The following TRPS1 variants were observed in gnomAD, a reference collection of about 807,000 sequenced individuals.
TRPS1 encodes transcriptional repressor GATA binding 1, also known as zinc finger transcription factor Trps1.
Under a neutral mutation model 101.2 loss-of-function variants are expected in TRPS1, and 6 were observed. That is an observed-to-expected ratio of 0.06 (90% CI 0.03 to 0.12). TRPS1 has a LOEUF of 0.12. Among genes scored for constraint, TRPS1 ranks in the 10% least tolerant of loss-of-function variants. The probability of loss-of-function intolerance (pLI) is 1.00; values close to 1 mark genes in which losing one functional copy is unlikely to be tolerated. For missense variants in TRPS1, 1,363 were observed against 1,567.0 expected (o/e 0.87, Z 2.20); for synonymous variants, 578 against 589.8 (o/e 0.98, Z 0.29).
At chr8:115,632,313 T>C (rs1036069910) in intron 1 of TRPS1, among the ~76,000 whole-genome samples, 4 of 152,122 alleles carry the variant, frequency 2.6e-5, no homozygotes, top group Non-Finnish European at 4.4e-5. Context: ...AAATATACTA[T>C]ACAAGTAGCA....
At chr8:115,583,182 T>C (rs1817489085) in intron 5 of TRPS1, among the ~76,000 whole-genome samples, 1 of 152,164 alleles carries the variant, frequency 6.6e-6, no homozygotes, top group Non-Finnish European at 1.5e-5. Context: ...AAATCCAGAA[T>C]TTCTTATTCA....
chr8:115,642,753 CA>C (rs1397308100), intron 1 of TRPS1, among the ~76,000 whole-genome samples: 1 of 150,506 alleles, frequency 6.6e-6, no homozygotes, highest in Non-Finnish European at 1.5e-5. Context: ...CCAGCAAAAA[CA>C]TTAGTAAGTT....
chr8:115,587,681 T>C (rs1817597620), intron 4 of TRPS1, 77 bp from the exon 5 acceptor site: 2 of 1,605,218 alleles, frequency 1.2e-6, no homozygotes, highest in East Asian at 2.2e-5. Context: ...TTTAAGCACC[T>C]GAATTTTCTA....
intron 5 of TRPS1, among the ~76,000 whole-genome samples, chr8:115,524,775 T>C: frequency 6.6e-6 from 1 of 152,122 alleles, no homozygotes; most frequent in African/African-American, 2.4e-5. Flanking sequence ...TGAAAAAAAA[T>C]CTAATGATGT....
At chr8:115,502,933 G>A (rs1815353058) in intron 5 of TRPS1, among the ~76,000 whole-genome samples, 1 of 152,096 alleles carries the variant, frequency 6.6e-6, no homozygotes, top group Admixed American at 6.6e-5. Context: ...AGCCCTACTT[G>A]ATGGTGTTTC....
Position 115,619,366 on chromosome 8 carries a change from G to A in TRPS1, c.732C>T (p.Tyr244=), listed in dbSNP as rs1038381748. The change falls in exon 3 of 7, where the codon TAC becomes TAT. Residue 244 remains tyrosine, a synonymous_variant. Coordinates refer to ENST00000395715, the MANE Select transcript of TRPS1 (RefSeq NM_014112.5). ...TCAGATCTGTGGGGTCGTTGCCGTA[G>A]TAACCATATCCACAGATATTGCATT... ...DFKCNICGYG[Y]YGNDPTDLIK... is the part of the protein sequence containing the mutation. 5.0e-6 allele frequency: 8 copies of A among 1,614,062 alleles called. No individual in the cohort carries two copies. The African/African-American group carries it at 1.1e-4, about 22-fold the overall frequency.
In TRPS1 at chr8:115,441,546, C is replaced by T. The variant is rs184313026; in HGVS notation, c.2701-23094G>A. Among the ~76,000 whole-genome samples, 30 of 152,212 alleles carry T rather than the reference C, an allele frequency of 2.0e-4. 1 individual carries two copies. Among genetic ancestry groups the T allele is most frequent in the African/African-American group, 6.7e-4 (28 of 41,542 alleles). ...TAAAATTAAATCTTTTTGTAGATTC[C>T]TTTTCCTAAAGTGTCTCCCTTCCGT... On this transcript the variant is annotated intron_variant, in intron 5 of 6. Coordinates refer to ENST00000395715, the MANE Select transcript of TRPS1 (RefSeq NM_014112.5).
intron 5 of TRPS1, among the ~76,000 whole-genome samples, chr8:115,426,890 A>G (rs1263062041): frequency 6.6e-6 from 1 of 152,196 alleles, no homozygotes; most frequent in Non-Finnish European, 1.5e-5. Flanking sequence ...GATGAAGTAC[A>G]AAACTGACAA....
intron 5 of TRPS1, among the ~76,000 whole-genome samples, chr8:115,440,174 C>T (rs1813555688): frequency 6.6e-6 from 1 of 152,054 alleles, no homozygotes; most frequent in African/African-American, 2.4e-5. Flanking sequence ...TCTATGTGGG[C>T]GATTTCTTAA....
At position 115,587,312 on chromosome 8, in the gene TRPS1, T is replaced by A; in HGVS notation, c.2389A>T (p.Ser797Cys). 6.2e-7 allele frequency: 1 copy of A among 1,614,222 alleles called. No individual in the cohort carries two copies. Among genetic ancestry groups the A allele is most frequent in the East Asian group, 2.2e-5 (1 of 44,876 alleles). ...ACATTGCGAAGGTCATCACTGGAAC[T>A]CTCGGTCCAAACTTTCTCTTTGAGC... Reference protein sequence around the residue: ...DGLKEKVWTESSSDDLRNVTW... With the variant: ...DGLKEKVWTECSSDDLRNVTW... The change falls in exon 5 of 7, where the codon AGT becomes TGT. Residue 797 changes from serine to cysteine, a missense_variant. This residue lies in a region of TRPS1 where 1,020 missense variants were observed against 1,073.0 expected (regional missense o/e 0.95). Coordinates refer to ENST00000395715, the MANE Select transcript of TRPS1 (RefSeq NM_014112.5).
intron 6 of TRPS1, among the ~76,000 whole-genome samples, chr8:115,417,860 A>G (rs2129766445): frequency 6.6e-6 from 1 of 152,274 alleles, no homozygotes; most frequent in Non-Finnish European, 1.5e-5. Context: ...GTGCCCCTCC[A>G]GCCCCTAAAG....
chr8:115,582,528 T>C (rs1297585205), intron 5 of TRPS1, among the ~76,000 whole-genome samples: 1 of 152,228 alleles, frequency 6.6e-6, no homozygotes, highest in Non-Finnish European at 1.5e-5. Context: ...TCTAGCACTC[T>C]GCATCTGAGG....
intron 5 of TRPS1, among the ~76,000 whole-genome samples, chr8:115,450,402 G>T (rs1004058818): frequency 5.9e-5 from 9 of 151,940 alleles, no homozygotes; most frequent in Non-Finnish European, 1.0e-4. Flanking sequence ...CATTCTTCAC[G>T]CTATTTAACT....
chr8:115,599,767 T>G (rs780719680), intron 4 of TRPS1, among the ~76,000 whole-genome samples: 2 of 152,230 alleles, frequency 1.3e-5, no homozygotes, highest in Non-Finnish European at 2.9e-5. Context: ...TGGTTCCAAG[T>G]CTTTGCTATT....
At chr8:115,646,335 G>T (rs11780385) in intron 1 of TRPS1, among the ~76,000 whole-genome samples, 1 of 151,990 alleles carries the variant, frequency 6.6e-6, no homozygotes, top group African/African-American at 2.4e-5. Context: ...TCACAAAAAG[G>T]AAAACATAGC....
At chr8:115,478,218 T>C (rs145727955) in intron 5 of TRPS1, among the ~76,000 whole-genome samples, 28 of 152,028 alleles carry the variant, frequency 1.8e-4, no homozygotes, top group African/African-American at 6.0e-4. Context: ...AAAGATAGAG[T>C]TTCATTTTCA....
chr8:115,623,662 T>C lies in TRPS1; in HGVS notation c.-25A>G, dbSNP rs1295690579. ...TGTGGCTTTAGAGTGCTTTTTACAA[T>C]TATTAATTCTATTAGTCAACTAGCA... On this transcript the variant is annotated 5_prime_UTR_variant, in exon 2 of 7. Coordinates refer to ENST00000395715, the MANE Select transcript of TRPS1 (RefSeq NM_014112.5). 2 of 1,610,354 alleles carry C rather than the reference T, an allele frequency of 1.2e-6. No individual in the cohort carries two copies. The highest frequency in any genetic ancestry group is 1.3e-5 in the African/African-American group (1 of 74,970).
At chr8:115,526,579 G>C (rs879697715) in intron 5 of TRPS1, among the ~76,000 whole-genome samples, 1 of 152,186 alleles carries the variant, frequency 6.6e-6, no homozygotes, top group African/African-American at 2.4e-5. Context: ...AAGCAAGAGA[G>C]AAGAGAGAAT....
chr8:115,492,059 C>T, intron 5 of TRPS1: 1 of 400,414 alleles, frequency 2.5e-6, no homozygotes, highest in Admixed American at 3.0e-5. Context: ...TCTCACTTGG[C>T]TTCTAATACA....
Sources: allele counts gnomAD v4.1 joint callset (sites outside exome capture counted in the v4.1 genomes callset), GRCh38; gene constraint gnomAD v4.1.1; regional missense constraint gnomAD v4.1.1; transcripts MANE v1.5; gene names NCBI Gene and HGNC (gene_info 2026-07-23, HGNC 2026-07-21).